Variants in CFAP70 observed in about 807,000 individuals in gnomAD.
CFAP70 encodes the protein cilia- and flagella-associated protein 70.
In CFAP70, 81 loss-of-function variants were observed where a neutral mutation model predicts 137.6. The ratio of observed to expected loss-of-function variants is 0.59; its 90% CI spans 0.49 to 0.71. CFAP70 has a LOEUF of 0.71. Ranked by LOEUF, CFAP70 falls within the 30% of genes least tolerant of loss-of-function variation. The probability of loss-of-function intolerance (pLI) is 0.00; values close to 1 mark genes in which losing one functional copy is unlikely to be tolerated. For synonymous variants in CFAP70, 382 were observed against 423.6 expected (o/e 0.90, Z 1.20); for missense variants, 976 against 1,226.7 (o/e 0.80, Z 3.05).
intron 8 of CFAP70, 25 bp downstream of exon 9, chr10:73,331,152 A>T: frequency 6.5e-7 from 1 of 1,527,146 alleles, no homozygotes; most frequent in East Asian, 2.3e-5. Context: ...TTCTTATATA[A>T]ATATTTTTGA....
chr10:73,328,233 TG>T (rs1466865337), intron 8 of CFAP70, among the ~76,000 whole-genome samples: 1 of 151,976 alleles, frequency 6.6e-6, no homozygotes, highest in African/African-American at 2.4e-5. Context: ...AAACAAGCAA[TG>T]GGGAAAGGAT....
chr10:73,265,277 C>T (rs191475254), intron 25 of CFAP70, among the ~76,000 whole-genome samples: 12 of 150,072 alleles, frequency 8.0e-5, no homozygotes, highest in Non-Finnish European at 1.6e-4. Flanking sequence ...GAGCCCAGAT[C>T]GCGCCACTGC....
rs974151103 is a variant in CFAP70 at position 73,355,205 on chromosome 10, C to T, written c.-39-370G>A. ...TGTACAGCAGGAGGTAAGCAGCAGGCGAGCAAGCAAAGCTTCATCTCTATT... is the reference window on the plus strand; with the variant it reads ...TGTACAGCAGGAGGTAAGCAGCAGGTGAGCAAGCAAAGCTTCATCTCTATT... On this transcript the variant is annotated intron_variant, in intron 1 of 26. Coordinates refer to ENST00000310715, the Ensembl canonical transcript of CFAP70. Among the ~76,000 whole-genome samples, 3 of 152,164 alleles carry T rather than the reference C, an allele frequency of 2.0e-5. 1 individual carries two copies. The highest frequency in any genetic ancestry group is 2.0e-4 in the Admixed American group (3 of 15,276).
At chr10:73,331,369 T>C in intron 7 of CFAP70, 93 bp from the exon 9 acceptor site, 2 of 1,055,596 alleles carry the variant, frequency 1.9e-6, no homozygotes, top group African/African-American at 1.6e-5. Flanking sequence ...TAGAAAGTAA[T>C]ATAGAATATA....
rs1195066714 is a variant in CFAP70, at chr10:73,255,547, C to CT, written c.3075+821dup. Among the ~76,000 whole-genome samples, 11 of 152,328 alleles carry CT rather than the reference C, an allele frequency of 7.2e-5. No individual in the cohort carries two copies. The Middle Eastern group carries it at 0.017, about 236-fold the overall frequency. On this transcript the variant is annotated intron_variant, in intron 26 of 26. Transcript: ENST00000310715. ...CCAGCCTGGGCAACAGTGCAAGACT[C>CT]TGTCTCAAAATATATATGTATATGT...
intron 2 of CFAP70, among the ~76,000 whole-genome samples, chr10:73,354,466 G>C (rs1449018312): frequency 2.0e-5 from 3 of 151,930 alleles, no homozygotes; most frequent in Non-Finnish European, 1.5e-5. Flanking sequence ...CAGGAGAAAG[G>C]GAAAAAAATT....
intron 8 of CFAP70, among the ~76,000 whole-genome samples, chr10:73,325,742 G>A (rs1387759506): frequency 6.6e-6 from 1 of 152,010 alleles, no homozygotes; most frequent in East Asian, 1.9e-4. Flanking sequence ...GACAAAGAAG[G>A]CCATTACATA....
At chr10:73,331,297 C>A in intron 7 of CFAP70, 21 bp from the exon 9 acceptor site, 1 of 1,591,916 alleles carries the variant, frequency 6.3e-7, no homozygotes, top group South Asian at 1.1e-5. Flanking sequence ...AGAATCAGTC[C>A]ATTAGCATTA....
At chr10:73,266,193 T>G (rs543454937) in intron 25 of CFAP70, among the ~76,000 whole-genome samples, 9 of 152,296 alleles carry the variant, frequency 5.9e-5, no homozygotes, top group Admixed American at 1.3e-4. Context: ...CCAGCAACTT[T>G]GTCCATCCAC....
chr10:73,313,058 T>C (rs2050047921), intron 9 of CFAP70, among the ~76,000 whole-genome samples: 1 of 152,002 alleles, frequency 6.6e-6, no homozygotes, highest in Admixed American at 6.6e-5. Context: ...ACTTCATCTC[T>C]ACTAAAAACA....
chr10:73,327,005 G>T (rs1239535575), intron 8 of CFAP70, among the ~76,000 whole-genome samples: 1 of 151,642 alleles, frequency 6.6e-6, no homozygotes, highest in African/African-American at 2.4e-5. Context: ...GCATCATCCT[G>T]ATACCAAAGC....
chr10:73,328,568 G>A (rs1398976805), intron 8 of CFAP70, among the ~76,000 whole-genome samples: 1 of 146,346 alleles, frequency 6.8e-6, no homozygotes, highest in African/African-American at 2.6e-5. Flanking sequence ...CAAAATGGGA[G>A]AAAATTTTCT....
At chr10:73,286,974 A>G (rs1395204255) in intron 19 of CFAP70, among the ~76,000 whole-genome samples, 2 of 152,248 alleles carry the variant, frequency 1.3e-5, no homozygotes, top group African/African-American at 4.8e-5. Context: ...CGCCTTAAGC[A>G]GTTTTCCCCC....
At chr10:73,354,345 T>C (rs1354238404) in intron 2 of CFAP70, among the ~76,000 whole-genome samples, 2 of 152,238 alleles carry the variant, frequency 1.3e-5, no homozygotes, top group African/African-American at 4.8e-5. Context: ...ACTGAATATT[T>C]TCCCATTTCA....
rs2048628057 is a variant in CFAP70 at position 73,297,472 on chromosome 10, C to T, written c.1513-299G>A. Among the ~76,000 whole-genome samples the T allele has an allele frequency of 2.6e-5, 4 of 152,152 alleles. No individual in the cohort carries two copies. The South Asian group carries it at 8.3e-4, about 32-fold the overall frequency. On this transcript the variant is annotated intron_variant, in intron 14 of 26. Coordinates refer to ENST00000310715, the Ensembl canonical transcript of CFAP70. Reference sequence around the variant, plus strand: ...AGCATTAGGTTTAGGCATTATGTCTCTCATGGTGGCCATATGGTTCAAAGG... The same window carrying T: ...AGCATTAGGTTTAGGCATTATGTCTTTCATGGTGGCCATATGGTTCAAAGG...
chr10:73,316,470 A>ATATAT, intron 9 of CFAP70, among the ~76,000 whole-genome samples: 1 of 116,644 alleles, frequency 8.6e-6, no homozygotes, highest in South Asian at 3.6e-4. Context: ...TGAGATATAT[A>ATATAT]TATATATATA....
At chr10:73,294,774 T>C (rs2048410779) in intron 15 of CFAP70, 1 of 152,232 alleles carries the variant, frequency 6.6e-6, no homozygotes, top group Non-Finnish European at 1.5e-5. Context: ...CCTCAACTAT[T>C]ATACTCCCTA....
intron 3 of CFAP70, among the ~76,000 whole-genome samples, chr10:73,349,586 C>T (rs2054028831): frequency 1.3e-5 from 2 of 151,952 alleles, no homozygotes. Flanking sequence ...AAAAGCACTG[C>T]TCTAGATCCC....
At chr10:73,298,927 C>T (rs1190919900) in exon 14 of CFAP70, 1 of 1,613,774 alleles carries the variant, frequency 6.2e-7, no homozygotes, top group Admixed American at 1.7e-5. Flanking sequence ...TCTTTGAAAG[C>T]AAAGTATTTT....
Sources: gnomAD v4.1 joint callset for allele counts (sites outside exome capture counted in the v4.1 genomes callset) on GRCh38, gnomAD v4.1.1 for gene constraint, MANE v1.5 for transcripts, NCBI Gene and HGNC (gene_info 2026-07-23, HGNC 2026-07-21) for gene names.